Variants in AUH observed in about 807,000 individuals in gnomAD.
AUH encodes the protein methylglutaconyl-CoA hydratase, mitochondrial.
AUH carries 29 observed loss-of-function variants against 42.3 expected under a neutral mutation model. The ratio of observed to expected loss-of-function variants is 0.69; its 90% confidence interval spans 0.51 to 0.93. AUH has a LOEUF of 0.93. Among genes scored for constraint, AUH ranks in the 40% least tolerant of loss-of-function variants. The probability of loss-of-function intolerance (pLI) is 0.00; values close to 1 mark genes in which losing one functional copy is unlikely to be tolerated. For missense variants in AUH, 452 were observed against 438.1 expected, an observed-to-expected ratio of 1.03 and a Z score of -0.28; for synonymous variants, 174 against 166.4, an observed-to-expected ratio of 1.05 and a Z score of -0.35.
At chr9:91,283,791 C>T (rs1317290926) in intron 6 of AUH, among the ~76,000 whole-genome samples, 1 of 152,062 alleles carries the variant, frequency 6.6e-6, no homozygotes, top group Non-Finnish European at 1.5e-5. Context: ...AACTACAAAC[C>T]ACTGCTCAAT....
intron 3 of AUH, among the ~76,000 whole-genome samples, chr9:91,346,531 T>C (rs569268837): frequency 3.0e-4 from 45 of 152,332 alleles, no homozygotes; most frequent in African/African-American, 1.0e-3. Flanking sequence ...TAAAGCACTT[T>C]CCTGAGTTTC....
chr9:91,301,477 G>A (rs957056288), intron 4 of AUH, among the ~76,000 whole-genome samples: 5 of 152,188 alleles, frequency 3.3e-5, no homozygotes, highest in Non-Finnish European at 5.9e-5. Context: ...GGCCAAGGAC[G>A]AACGATTGCC....
chr9:91,343,187 G>A (rs1313189111), intron 3 of AUH: 1 of 152,114 alleles, frequency 6.6e-6, no homozygotes, highest in African/African-American at 2.4e-5. Context: ...CAGGGGTGCA[G>A]GTGGAGGTGT....
chr9:91,318,282 G>A (rs1026130536), intron 4 of AUH, among the ~76,000 whole-genome samples: 1 of 152,202 alleles, frequency 6.6e-6, no homozygotes, highest in Non-Finnish European at 1.5e-5. Flanking sequence ...GTGATTATAT[G>A]ACTGTAACCA....
At chr9:91,286,599 T>A (rs554547818) in intron 6 of AUH, among the ~76,000 whole-genome samples, 5 of 151,540 alleles carry the variant, frequency 3.3e-5, no homozygotes, top group Non-Finnish European at 7.4e-5. Flanking sequence ...AAACACAAAA[T>A]GAAACATGCA....
At chr9:91,244,366 T>C (rs1186513205) in intron 6 of AUH, among the ~76,000 whole-genome samples, 1 of 152,224 alleles carries the variant, frequency 6.6e-6, no homozygotes, top group East Asian at 1.9e-4. Flanking sequence ...CTTCACAAAA[T>C]TGGCCACCTG....
chr9:91,312,412 T>A (rs991064800), intron 4 of AUH, among the ~76,000 whole-genome samples: 12 of 152,148 alleles, frequency 7.9e-5, no homozygotes, highest in African/African-American at 2.9e-4. Flanking sequence ...ATGCCTATGG[T>A]TCAACAGCCA....
At chr9:91,281,048 T>C (rs1010300937) in intron 6 of AUH, among the ~76,000 whole-genome samples, 1 of 152,182 alleles carries the variant, frequency 6.6e-6, no homozygotes, top group African/African-American at 2.4e-5. Context: ...TAAATCCTTA[T>C]ATCTTTCACC....
chr9:91,339,224 C>T (rs937066614), intron 3 of AUH, among the ~76,000 whole-genome samples: 5 of 152,172 alleles, frequency 3.3e-5, no homozygotes, highest in East Asian at 1.9e-4. Context: ...TACAGATGCT[C>T]CTCAACTTAA....
chr9:91,300,516 A>G (rs1283736222), intron 4 of AUH, among the ~76,000 whole-genome samples: 1 of 152,144 alleles, frequency 6.6e-6, no homozygotes, highest in Admixed American at 6.6e-5. Context: ...AGCAGGAAGT[A>G]CCTAATTAAT....
intron 6 of AUH, among the ~76,000 whole-genome samples, chr9:91,228,161 C>T (rs1038586069): frequency 7.9e-5 from 12 of 151,650 alleles, no homozygotes; most frequent in South Asian, 2.1e-4. Context: ...TGGTAGAATT[C>T]GGCTGTGAAT....
At chr9:91,230,457 A>C (rs1396228512) in intron 6 of AUH, among the ~76,000 whole-genome samples, 3 of 151,388 alleles carry the variant, frequency 2.0e-5, no homozygotes, top group Admixed American at 1.3e-4. Flanking sequence ...ACATTCTTCT[A>C]AATTTTTTTC....
rs1256832665 is a variant in AUH at position 91,280,654 on chromosome 9, T to C, written c.655+15367A>G. Among the ~76,000 whole-genome samples, 6 of 152,352 alleles carry C rather than the reference T, an allele frequency of 3.9e-5. No homozygotes were observed. The South Asian group carries it at 6.2e-4, about 16-fold the overall frequency. ...AATTCTCCAATCTTTTCTGTATAACTATCCTTTGAAGTTAATCTCATTCTC... is the reference window on the plus strand; with the variant it reads ...AATTCTCCAATCTTTTCTGTATAACCATCCTTTGAAGTTAATCTCATTCTC... On this transcript the variant is annotated intron_variant, in intron 6 of 9. Transcript: ENST00000375731.
intron 3 of AUH, among the ~76,000 whole-genome samples, chr9:91,338,146 C>T (rs999029014): frequency 5.9e-5 from 9 of 152,172 alleles, no homozygotes; most frequent in Non-Finnish European, 8.8e-5. Flanking sequence ...ATTCAAGGCT[C>T]TAATAAATCA....
chr9:91,306,427 C>T, intron 4 of AUH: 1 of 970,956 alleles, frequency 1.0e-6, no homozygotes, highest in Non-Finnish European at 1.2e-6. Context: ...GCAGTCACTT[C>T]TATTTCTGAT....
At chr9:91,255,071 G>A (rs1156341250) in intron 6 of AUH, among the ~76,000 whole-genome samples, 1 of 152,114 alleles carries the variant, frequency 6.6e-6, no homozygotes, top group Non-Finnish European at 1.5e-5. Flanking sequence ...TTTATAAAAG[G>A]GTTTATATAT....
intron 6 of AUH, among the ~76,000 whole-genome samples, chr9:91,249,838 C>T (rs1316374012): frequency 6.6e-6 from 1 of 151,776 alleles, no homozygotes. Flanking sequence ...GGTGAAACCC[C>T]ATCTCTACTA....
chr9:91,288,376 T>C (rs1047381074), intron 6 of AUH, among the ~76,000 whole-genome samples: 1 of 152,194 alleles, frequency 6.6e-6, no homozygotes, highest in African/African-American at 2.4e-5. Flanking sequence ...TATTTTATAA[T>C]ATTTGCATAT....
intron 6 of AUH, among the ~76,000 whole-genome samples, chr9:91,255,302 CTG>C (rs749421335): frequency 8.5e-5 from 13 of 152,180 alleles, no homozygotes; most frequent in Non-Finnish European, 1.8e-4. Context: ...CATACACTGA[CTG>C]TATCTTTTGT....
Sources: gnomAD v4.1 joint callset for allele counts (sites outside exome capture counted in the v4.1 genomes callset) on GRCh38, gnomAD v4.1.1 for gene constraint, MANE v1.5 for transcripts, NCBI Gene and HGNC (gene_info 2026-07-23, HGNC 2026-07-21) for gene names.